Variants in GPSM2 observed in about 807,000 individuals in gnomAD.
GPSM2 encodes G protein-signaling modulator 2.
A neutral mutation model predicts 78.4 loss-of-function variants in GPSM2; 58 were observed. That is an observed-to-expected ratio of 0.74 (90% confidence interval 0.60 to 0.92). The LOEUF (loss-of-function observed/expected upper bound fraction) is 0.92, where lower values mean the gene tolerates loss of function less well. Ranked by LOEUF, GPSM2 falls within the 40% of genes least tolerant of loss-of-function variation. The pLI is 0.00. For synonymous variants in GPSM2, 224 were observed against 280.2 expected (o/e 0.80, Z 2.00); for missense variants, 700 against 815.5 (o/e 0.86, Z 1.73).
At position 108,898,658 on chromosome 1, in the gene GPSM2, G is replaced by A. The variant is rs1648561741; in HGVS notation, c.574G>A (p.Val192Met). 1 of 1,613,788 alleles carries A rather than the reference G, an allele frequency of 6.2e-7. No homozygotes were observed. The highest frequency in any genetic ancestry group is 1.1e-5 in the South Asian group (1 of 91,064). Residue 192 changes from valine to methionine, a missense_variant, in exon 6 of 15, where the codon GTG (valine) becomes ATG (methionine). Coordinates refer to ENST00000264126, the MANE Select transcript of GPSM2 (RefSeq NM_013296.5). Reference sequence around the variant, plus strand: ...ATCCCTTAGGGAAAACCTATCATTAGTGACTGCTTTGGGTGACCGAGCGGC... The same window carrying A: ...ATCCCTTAGGGAAAACCTATCATTAATGACTGCTTTGGGTGACCGAGCGGC... ...VDFYEENLSL[V>M]TALGDRAAQG...
chr1:108,879,668 A>G (rs1385051462), intron 1 of GPSM2, among the ~76,000 whole-genome samples: 3 of 152,126 alleles, frequency 2.0e-5, no homozygotes, highest in Non-Finnish European at 4.4e-5. Context: ...CCCCGTCTGT[A>G]CTAAAAATAC....
At position 108,904,237 on chromosome 1, in the gene GPSM2, T is replaced by C. The variant is rs747617201; in HGVS notation, c.1175T>C (p.Ile392Thr). Reference protein sequence around the residue: ...NNSIMSENTEIDSSLNGVRPK... With the variant: ...NNSIMSENTETDSSLNGVRPK... The stretch of plus-strand genomic sequence containing the variant: ...TCCATAATGTCTGAAAATACTGAAA[T>C]TGATAGCAGTTTGAATGGTAAGTAA... The change falls in exon 10 of 15, where the codon ATT (isoleucine) becomes ACT (threonine). Residue 392 changes from isoleucine to threonine, a missense_variant. Ile to Thr is a moderately conservative substitution (Grantham distance 89). Coordinates refer to ENST00000264126, the MANE Select transcript of GPSM2 (RefSeq NM_013296.5). 2 of 1,596,854 alleles carry C rather than the reference T, an allele frequency of 1.3e-6. No individual in the cohort carries two copies. Among genetic ancestry groups the C allele is most frequent in the African/African-American group, 1.3e-5 (1 of 74,546 alleles).
At chr1:108,928,865 C>T (rs1156999821) in intron 14 of GPSM2, among the ~76,000 whole-genome samples, 1 of 151,860 alleles carries the variant, frequency 6.6e-6, no homozygotes, top group African/African-American at 2.4e-5. Context: ...TGACGCATGC[C>T]TATAGTCTCA....
rs747617201 is a variant in GPSM2 at position 108,904,237 on chromosome 1, T to G, written c.1175T>G (p.Ile392Ser). ...NNSIMSENTE[I>S]DSSLNGVRPK... ...TCCATAATGTCTGAAAATACTGAAA[T>G]TGATAGCAGTTTGAATGGTAAGTAA... The change falls in exon 10 of 15, where the codon ATT becomes AGT. Residue 392 changes from isoleucine (I) to serine (S), a missense_variant. Transcript: ENST00000264126. 1 of 1,596,968 alleles carries G rather than the reference T, an allele frequency of 6.3e-7. No individual in the cohort carries two copies. The highest frequency in any genetic ancestry group is 1.3e-5 in the African/African-American group (1 of 74,668).
chr1:108,896,715 C>G, intron 2 of GPSM2, 149 bp from the exon 3 acceptor site: 1 of 722,586 alleles, frequency 1.4e-6, no homozygotes, highest in South Asian at 1.6e-5. Flanking sequence ...TAACTGCTTA[C>G]TGTTTTATCA....
intron 2 of GPSM2, among the ~76,000 whole-genome samples, chr1:108,890,870 C>A (rs1405197974): frequency 6.6e-6 from 1 of 151,168 alleles, no homozygotes; most frequent in Non-Finnish European, 1.5e-5. Context: ...ATAGCAAGTA[C>A]AATTTAAGTT....
chr1:108,879,912 C>T (rs1408228573), intron 1 of GPSM2, among the ~76,000 whole-genome samples: 1 of 152,210 alleles, frequency 6.6e-6, no homozygotes, highest in East Asian at 1.9e-4. Flanking sequence ...CCTTCTCTTT[C>T]ACTACTCTGA....
At chr1:108,880,495 A>C (rs1408628966) in intron 1 of GPSM2, among the ~76,000 whole-genome samples, 1 of 151,626 alleles carries the variant, frequency 6.6e-6, no homozygotes, top group East Asian at 1.9e-4. Context: ...GAGGAGAATC[A>C]CTTGAACCCA....
chr1:108,901,462 A>G (rs1277934285), intron 7 of GPSM2, among the ~76,000 whole-genome samples: 4 of 152,250 alleles, frequency 2.6e-5, no homozygotes, highest in Admixed American at 6.5e-5. Context: ...GCTATTGCCA[A>G]TACTAAAGGG....
At chr1:108,923,770 G>A (rs923779880) in intron 13 of GPSM2, among the ~76,000 whole-genome samples, 9 of 152,222 alleles carry the variant, frequency 5.9e-5, no homozygotes, top group East Asian at 1.9e-4. Flanking sequence ...TCTGAATAAC[G>A]TCCAAGTGGG....
At chr1:108,889,354 G>A (rs1299976428) in intron 2 of GPSM2, among the ~76,000 whole-genome samples, 1 of 152,174 alleles carries the variant, frequency 6.6e-6, no homozygotes, top group East Asian at 1.9e-4. Flanking sequence ...CAAAGGTAGA[G>A]GGGAACAAAG....
rs763055797 is a variant in GPSM2, at chr1:108,897,993, A to ATG, written c.453_454dup (p.Tyr152CysfsTer17). 1.2e-6 allele frequency: 2 copies of ATG among 1,613,834 alleles called. No homozygotes were observed. Among genetic ancestry groups the ATG allele is most frequent in the African/African-American group, 2.7e-5 (2 of 74,930 alleles). On this transcript the variant is annotated frameshift_variant, in exon 5 of 15. Coordinates refer to ENST00000264126, the MANE Select transcript of GPSM2 (RefSeq NM_013296.5). LOFTEE classifies it high-confidence loss of function. ...GCAAGAGCACTTTACAATCTTGGGA[A>ATG]TGTGTATCATGCCAAAGGGAAAAGT...
rs1194743972 is a variant in GPSM2, at chr1:108,897,042, G to C, written c.235G>C (p.Ala79Pro). The change falls in exon 3 of 15, where the codon GCC becomes CCC. Residue 79 changes from alanine to proline, a missense_variant. Coordinates refer to ENST00000264126, the MANE Select transcript of GPSM2 (RefSeq NM_013296.5). ...GNAYFYLHDY[A>P]KALEYHHHDL... ...TGCTTATTTCTATTTGCATGATTAT[G>C]CCAAAGCATTAGAATATCACCATCA... 1 of 1,613,266 alleles carries C rather than the reference G, an allele frequency of 6.2e-7. No homozygotes were observed. The highest frequency in any genetic ancestry group is 1.1e-5 in the South Asian group (1 of 91,072).
intron 11 of GPSM2, among the ~76,000 whole-genome samples, chr1:108,917,651 TATATATATATATATAA>T (rs1477823762): frequency 2.0e-5 from 1 of 49,782 alleles, no homozygotes; most frequent in Admixed American, 2.1e-4. Context: ...TATATATATA[TATATATATATATATAA>T]ATGAGTTCTC....
chr1:108,912,622 C>T (rs1475408006), intron 10 of GPSM2, among the ~76,000 whole-genome samples: 4 of 151,526 alleles, frequency 2.6e-5, no homozygotes, highest in African/African-American at 4.9e-5. Context: ...TGCCTATAGC[C>T]CCAGCTACTT....
At chr1:108,914,316 A>C in intron 10 of GPSM2, 22 bp from the exon 11 acceptor site, 1 of 1,547,612 alleles carries the variant, frequency 6.5e-7, no homozygotes, top group South Asian at 1.1e-5. Context: ...GGTTTATTTG[A>C]ATTAATTTTT....
chr1:108,901,921 C>A lies in GPSM2; in HGVS notation c.929C>A (p.Ala310Glu). The change falls in exon 8 of 15, where the codon GCA becomes GAA. Residue 310 changes from alanine (A) to glutamate (E), a missense_variant. Coordinates refer to ENST00000264126, the MANE Select transcript of GPSM2 (RefSeq NM_013296.5). ...KAIDYHLKHL[A>E]IAQELNDRIG... ...ATTGATTATCATCTGAAGCACTTAG[C>A]AATTGCTCAAGAGCTGAATGATAGG... 1 of 1,610,608 alleles carries A rather than the reference C, an allele frequency of 6.2e-7. No homozygotes were observed. The highest frequency in any genetic ancestry group is 8.5e-7 in the Non-Finnish European group (1 of 1,176,828).
At chr1:108,908,224 A>G (rs568486730) in intron 10 of GPSM2, among the ~76,000 whole-genome samples, 1 of 151,714 alleles carries the variant, frequency 6.6e-6, no homozygotes, top group East Asian at 2.0e-4. Context: ...ACAAAAAATT[A>G]GCCAGGCGTG....
At chr1:108,917,960 A>G (rs79205899) in intron 11 of GPSM2, among the ~76,000 whole-genome samples, 1,770 of 152,130 alleles carry the variant, frequency 0.012, 42 homozygotes, top group African/African-American at 0.04. Flanking sequence ...GTGTGTCACT[A>G]AAATTATTAC....
Sources: gnomAD v4.1 joint callset for allele counts (sites outside exome capture counted in the v4.1 genomes callset) on GRCh38, gnomAD v4.1.1 for gene constraint, MANE v1.5 for transcripts, NCBI Gene and HGNC (gene_info 2026-07-23, HGNC 2026-07-21) for gene names.